Variants in PLSCR4 observed in about 807,000 individuals in gnomAD.
PLSCR4 encodes phospholipid scramblase 4.
Under a neutral mutation model 36.3 loss-of-function variants are expected in PLSCR4, and 25 were observed. The ratio of observed to expected loss-of-function variants is 0.69; its 90% CI spans 0.50 to 0.96. PLSCR4 has a LOEUF of 0.96. PLSCR4 is among the 40% of genes least tolerant of loss of function. PLSCR4 has a pLI of 0.00. For missense variants in PLSCR4, 408 were observed against 414.7 expected (o/e 0.98, Z 0.14); for synonymous variants, 122 against 132.9 (o/e 0.92, Z 0.56).
chr3:146,225,505 G>A (rs756731014), intron 1 of PLSCR4, among the ~76,000 whole-genome samples: 5 of 152,156 alleles, frequency 3.3e-5, no homozygotes, highest in Non-Finnish European at 7.4e-5. Context: ...GGGGAGGCTC[G>A]GGCCGCACAG....
In PLSCR4 at chr3:146,220,929, CA is replaced by C. The variant is rs1178490566; in HGVS notation, c.8-5del. 2.0e-6 allele frequency: 3 copies of C among 1,531,890 alleles called. No homozygotes were observed. The African/African-American group carries it at 4.1e-5, about 21-fold the overall frequency. The allele number at this position is 1,531,890 out of a possible 1,614,324, so 94.9% of individuals were successfully genotyped here. Reference sequence around the variant, plus strand: ...TCAGGGGCTGTGGGTACCACACCTTCAGGGGAAGACAGGGAACATGACTTAC... The same window carrying C: ...TCAGGGGCTGTGGGTACCACACCTTCGGGGAAGACAGGGAACATGACTTAC... On this transcript the variant is annotated splice_region_variant and splice_polypyrimidine_tract_variant and intron_variant, in intron 2 of 8. Coordinates refer to ENST00000354952, the MANE Select transcript of PLSCR4 (RefSeq NM_020353.3).
At chr3:146,219,307 T>G (rs2035031846) in intron 3 of PLSCR4, among the ~76,000 whole-genome samples, 1 of 152,180 alleles carries the variant, frequency 6.6e-6, no homozygotes, top group South Asian at 2.1e-4. Context: ...ATGGTGAAGT[T>G]TCTGTTCTAG....
At chr3:146,236,600 G>A (rs2035929771) in intron 1 of PLSCR4, among the ~76,000 whole-genome samples, 1 of 152,106 alleles carries the variant, frequency 6.6e-6, no homozygotes, top group South Asian at 2.1e-4. Context: ...AAGTTTCCCT[G>A]CACAAGCTCT....
chr3:146,241,642 T>C (rs911554586), intron 1 of PLSCR4, among the ~76,000 whole-genome samples: 1 of 152,140 alleles, frequency 6.6e-6, no homozygotes, highest in Non-Finnish European at 1.5e-5. Flanking sequence ...GCAATGATAT[T>C]GGCACAACTA....
intron 3 of PLSCR4, among the ~76,000 whole-genome samples, chr3:146,215,777 G>A (rs2034867327): frequency 1.3e-5 from 2 of 152,176 alleles, no homozygotes; most frequent in Admixed American, 6.5e-5. Flanking sequence ...GCCCAATTTG[G>A]GCTGTGTTGT....
intron 4 of PLSCR4, among the ~76,000 whole-genome samples, chr3:146,203,339 ATG>A (rs149832362): frequency 0.02 from 3,074 of 152,064 alleles, 109 homozygotes; most frequent in African/African-American, 0.07. Context: ...GGGTGACCAG[ATG>A]TGTTGTCAGT....
At chr3:146,231,955 C>G (rs1317955168) in intron 1 of PLSCR4, among the ~76,000 whole-genome samples, 1 of 151,816 alleles carries the variant, frequency 6.6e-6, no homozygotes, top group African/African-American at 2.4e-5. Context: ...AATGGTATGT[C>G]CTAGGTTTTC....
chr3:146,203,746 T>A (rs1161578167), intron 4 of PLSCR4, among the ~76,000 whole-genome samples: 1 of 152,058 alleles, frequency 6.6e-6, no homozygotes, highest in Non-Finnish European at 1.5e-5. Flanking sequence ...TTGCTCTGAA[T>A]TATGCTTTGG....
chr3:146,203,088 G>T (rs748007669), intron 4 of PLSCR4, among the ~76,000 whole-genome samples: 1 of 151,952 alleles, frequency 6.6e-6, no homozygotes, highest in African/African-American at 2.4e-5. Flanking sequence ...CATGAATCAT[G>T]AATGTCCTTA....
chr3:146,194,050 G>A lies in PLSCR4; in HGVS notation c.*361C>T, dbSNP rs1467936766. 5.8e-6 allele frequency: 1 copy of A among 172,944 alleles called. No individual in the cohort carries two copies. The highest frequency in any genetic ancestry group is 1.2e-5 in the Non-Finnish European group (1 of 82,184). 10.7% of individuals were successfully genotyped at this position (172,944 alleles called of 1,614,324 possible). On this transcript the variant is annotated 3_prime_UTR_variant, in exon 9 of 9. Coordinates refer to ENST00000354952, the MANE Select transcript of PLSCR4 (RefSeq NM_020353.3). ...AGGGATAGAAGCCAGGTTATTTTAT[G>A]CCAACAAAGTCTGCTCTAAAAAGCC...
chr3:146,213,425 G>A (rs1466749222), intron 3 of PLSCR4, among the ~76,000 whole-genome samples: 2 of 145,882 alleles, frequency 1.4e-5, no homozygotes, highest in Non-Finnish European at 3.0e-5. Context: ...TCTGCATCCC[G>A]GGATCAAGCC....
chr3:146,216,456 T>C (rs1423005580), intron 3 of PLSCR4, among the ~76,000 whole-genome samples: 1 of 152,026 alleles, frequency 6.6e-6, no homozygotes, highest in East Asian at 1.9e-4. Flanking sequence ...AGAAAGATAA[T>C]AACTAAAACT....
At chr3:146,224,153 A>G (rs1367204030) in intron 1 of PLSCR4, among the ~76,000 whole-genome samples, 2 of 152,046 alleles carry the variant, frequency 1.3e-5, no homozygotes, top group Non-Finnish European at 1.5e-5. Flanking sequence ...GCACATGCAC[A>G]CAGGATATAG....
At chr3:146,229,598 T>TCA (rs2035617839) in intron 1 of PLSCR4, among the ~76,000 whole-genome samples, 1 of 81,132 alleles carries the variant, frequency 1.2e-5, no homozygotes, top group Non-Finnish European at 2.3e-5. Flanking sequence ...TTTTCATTTA[T>TCA]TTATTTATTT....
intron 1 of PLSCR4, among the ~76,000 whole-genome samples, chr3:146,224,440 C>T (rs1417058355): frequency 5.3e-5 from 8 of 151,976 alleles, no homozygotes; most frequent in African/African-American, 1.5e-4. Flanking sequence ...CGCGGACCCT[C>T]GCGGTGAGTG....
chr3:146,208,686 G>T (rs761427432), intron 3 of PLSCR4, among the ~76,000 whole-genome samples: 3 of 152,056 alleles, frequency 2.0e-5, no homozygotes, highest in Non-Finnish European at 4.4e-5. Context: ...TAATGATCAG[G>T]GAAATGTAAA....
At chr3:146,228,798 T>C (rs1365026153) in intron 1 of PLSCR4, among the ~76,000 whole-genome samples, 1 of 152,166 alleles carries the variant, frequency 6.6e-6, no homozygotes, top group Non-Finnish European at 1.5e-5. Context: ...TGGTATAAGA[T>C]GCAACTGAAC....
intron 4 of PLSCR4, among the ~76,000 whole-genome samples, chr3:146,205,289 T>C (rs1385353439): frequency 1.3e-5 from 2 of 152,080 alleles, no homozygotes; most frequent in Admixed American, 6.6e-5. Context: ...AAACCACAGA[T>C]TGTACCAAAT....
chr3:146,243,938 C>T (rs1290363427), intron 1 of PLSCR4, among the ~76,000 whole-genome samples: 2 of 152,104 alleles, frequency 1.3e-5, no homozygotes, highest in East Asian at 1.9e-4. Flanking sequence ...TGAAAGCCTG[C>T]CATTGCTTAT....
Sources: allele counts gnomAD v4.1 joint callset (sites outside exome capture counted in the v4.1 genomes callset), GRCh38; gene constraint gnomAD v4.1.1; transcripts MANE v1.5; gene names NCBI Gene and HGNC (gene_info 2026-07-23, HGNC 2026-07-21).